Variants in CCSER1 observed in about 807,000 individuals in gnomAD.
CCSER1 encodes the protein coiled-coil serine rich protein 1.
CCSER1 carries 41 observed loss-of-function variants against 82.0 expected under a neutral mutation model. The observed-to-expected ratio is 0.50, with a 90% CI of 0.39 to 0.65. The LOEUF (loss-of-function observed/expected upper bound fraction) is 0.65. Ranked by LOEUF, CCSER1 falls within the 30% of genes least tolerant of loss-of-function variation. CCSER1 has a pLI of 0.00. For missense variants in CCSER1, 1,119 were observed against 1,064.2 expected, an observed-to-expected ratio of 1.05 and a Z score of -0.72; for synonymous variants, 414 against 383.9, an observed-to-expected ratio of 1.08 and a Z score of -0.92.
chr4:90,745,973 T>A (rs891740046), intron 7 of CCSER1, among the ~76,000 whole-genome samples: 1 of 152,102 alleles, frequency 6.6e-6, no homozygotes, highest in African/African-American at 2.4e-5. Context: ...GTGCTGGGGT[T>A]ACAGGCGTGA....
intron 10 of CCSER1, among the ~76,000 whole-genome samples, chr4:91,249,712 T>C (rs1411292815): frequency 6.6e-6 from 1 of 152,190 alleles, no homozygotes; most frequent in African/African-American, 2.4e-5. Flanking sequence ...TAATACTTTC[T>C]GCTGTCTTGG....
chr4:90,625,601 G>GT (rs965145414), intron 5 of CCSER1, among the ~76,000 whole-genome samples: 1 of 151,952 alleles, frequency 6.6e-6, no homozygotes, highest in African/African-American at 2.4e-5. Flanking sequence ...AAGAATATTA[G>GT]TTTTTTTTGG....
chr4:91,539,775 CCTTCT>C (rs1761493677), intron 10 of CCSER1, among the ~76,000 whole-genome samples: 1 of 152,074 alleles, frequency 6.6e-6, no homozygotes, highest in Admixed American at 6.6e-5. Flanking sequence ...TTCTGTACCA[CCTTCT>C]CTTTACTTAC....
intron 10 of CCSER1, among the ~76,000 whole-genome samples, chr4:91,285,218 A>G (rs373288491): frequency 2.0e-5 from 3 of 151,040 alleles, no homozygotes; most frequent in African/African-American, 7.3e-5. Context: ...ATTAATGAAA[A>G]TTGAAAACCA....
chr4:90,900,575 T>G (rs1203011374), intron 8 of CCSER1, among the ~76,000 whole-genome samples: 1 of 152,012 alleles, frequency 6.6e-6, no homozygotes, highest in East Asian at 1.9e-4. Flanking sequence ...CAAGTTGGGT[T>G]TTTATTTTGT....
intron 7 of CCSER1, among the ~76,000 whole-genome samples, chr4:90,736,832 T>C (rs1433381610): frequency 6.6e-6 from 1 of 152,112 alleles, no homozygotes; most frequent in Non-Finnish European, 1.5e-5. Flanking sequence ...TGTTCTGATT[T>C]CTTGCTTTTT....
chr4:90,424,271 G>A (rs759471283), intron 4 of CCSER1, among the ~76,000 whole-genome samples: 1 of 152,006 alleles, frequency 6.6e-6, no homozygotes, highest in Non-Finnish European at 1.5e-5. Context: ...AGAAATACAG[G>A]AATCTGAAAA....
At chr4:90,405,888 A>G (rs1753637249) in intron 4 of CCSER1, among the ~76,000 whole-genome samples, 1 of 152,208 alleles carries the variant, frequency 6.6e-6, no homozygotes, top group African/African-American at 2.4e-5. Context: ...AAATTTTCAA[A>G]ATACACCAAA....
intron 3 of CCSER1, among the ~76,000 whole-genome samples, chr4:90,365,950 G>A (rs779796142): frequency 2.2e-4 from 34 of 151,622 alleles, no homozygotes; most frequent in Non-Finnish European, 4.1e-4. Flanking sequence ...ACAGTTTCTT[G>A]CATACTACAG....
intron 8 of CCSER1, among the ~76,000 whole-genome samples, chr4:90,844,052 T>C (rs1346091500): frequency 1.3e-5 from 2 of 152,032 alleles, no homozygotes; most frequent in African/African-American, 4.8e-5. Context: ...CATTCTCCAA[T>C]ATATTATTAT....
At chr4:91,391,382 C>G (rs1449315250) in intron 10 of CCSER1, among the ~76,000 whole-genome samples, 1 of 152,132 alleles carries the variant, frequency 6.6e-6, no homozygotes, top group East Asian at 1.9e-4. Context: ...CTCAGTGCAG[C>G]CTCTACCTCC....
At chr4:90,624,680 A>G (rs1197300777) in intron 5 of CCSER1, among the ~76,000 whole-genome samples, 1 of 152,200 alleles carries the variant, frequency 6.6e-6, no homozygotes, top group Non-Finnish European at 1.5e-5. Context: ...TCGAAAATCC[A>G]CTTAATATAA....
At chr4:91,225,369 GTAATATATATGATA>G (rs1738105638) in intron 10 of CCSER1, among the ~76,000 whole-genome samples, 1 of 81,016 alleles carries the variant, frequency 1.2e-5, no homozygotes, top group South Asian at 3.9e-4. Context: ...TATTATATAT[GTAATATATATGATA>G]TAATATATAT....
At chr4:91,455,149 C>T (rs1756086145) in intron 10 of CCSER1, among the ~76,000 whole-genome samples, 1 of 151,508 alleles carries the variant, frequency 6.6e-6, no homozygotes, top group Non-Finnish European at 1.5e-5. Flanking sequence ...GAAAACATTC[C>T]AAGTGAAAAT....
At chr4:90,590,720 G>C (rs1782588691) in intron 5 of CCSER1, among the ~76,000 whole-genome samples, 1 of 152,138 alleles carries the variant, frequency 6.6e-6, no homozygotes, top group African/African-American at 2.4e-5. Context: ...ATAGTTTGAA[G>C]TCGCGTAGCA....
At position 91,604,688 on chromosome 4, in the gene CCSER1, A is replaced by T. The variant is rs1299264766; in HGVS notation, c.*5631A>T. On this transcript the variant is annotated 3_prime_UTR_variant, in exon 11 of 11. Coordinates refer to ENST00000509176, the MANE Select transcript of CCSER1 (RefSeq NM_001145065.2). ...TTGTATTGCCTTATACATACTTAAAAAACAAGATATTTACAAAAATATTTT... is the reference window on the plus strand; with the variant it reads ...TTGTATTGCCTTATACATACTTAAATAACAAGATATTTACAAAAATATTTT... 3 of 152,196 alleles carry T rather than the reference A, an allele frequency of 2.0e-5. No homozygotes were observed. The East Asian group carries it at 5.8e-4, about 29-fold the overall frequency. The allele number at this position is 152,196 out of a possible 1,614,324, so 9.4% of individuals were successfully genotyped here.
intron 10 of CCSER1, among the ~76,000 whole-genome samples, chr4:91,348,242 A>G (rs543144944): frequency 1.3e-5 from 2 of 152,034 alleles, no homozygotes; most frequent in Admixed American, 6.6e-5. Context: ...ATAATAATAT[A>G]ATTTCTCTTA....
intron 10 of CCSER1, among the ~76,000 whole-genome samples, chr4:91,169,039 T>C (rs1217653335): frequency 6.6e-6 from 1 of 151,876 alleles, no homozygotes; most frequent in Non-Finnish European, 1.5e-5. Context: ...TAATCTCAAG[T>C]ACCTAGGGAC....
intron 3 of CCSER1, among the ~76,000 whole-genome samples, chr4:90,323,737 T>C (rs1324509177): frequency 6.6e-6 from 1 of 152,114 alleles, no homozygotes; most frequent in Non-Finnish European, 1.5e-5. Flanking sequence ...GTTACATATG[T>C]ATACATGTGC....
Sources: allele counts gnomAD v4.1 joint callset (sites outside exome capture counted in the v4.1 genomes callset), GRCh38; gene constraint gnomAD v4.1.1; transcripts MANE v1.5; gene names NCBI Gene and HGNC (gene_info 2026-07-23, HGNC 2026-07-21).